The following NIN variants were observed in gnomAD, a reference collection of about 807,000 sequenced individuals.
NIN encodes glycogen synthase kinase 3 beta-interacting protein.
Under a neutral mutation model 257.6 loss-of-function variants are expected in NIN, and 137 were observed. The observed-to-expected ratio is 0.53, with a 90% CI of 0.46 to 0.61. NIN has a LOEUF of 0.61. NIN is among the 20% of genes least tolerant of loss of function. The pLI is 0.00. For missense variants in NIN, 2,439 were observed against 2,501.2 expected (o/e 0.98, Z 0.53); for synonymous variants, 918 against 919.8 (o/e 1.00, Z 0.04).
chr14:50,799,846 A>G (rs2044007049), intron 4 of NIN, among the ~76,000 whole-genome samples: 1 of 152,110 alleles, frequency 6.6e-6, no homozygotes, highest in Non-Finnish European at 1.5e-5. Flanking sequence ...GTGGTGGTGC[A>G]TGCCTGTAAT....
chr14:50,820,376 G>A (rs1359411394), intron 3 of NIN, among the ~76,000 whole-genome samples: 1 of 152,168 alleles, frequency 6.6e-6, no homozygotes, highest in Non-Finnish European at 1.5e-5. Context: ...TGTTTACGGC[G>A]TGGCATTCCA....
At position 50,778,815 on chromosome 14, in the gene NIN, CA is replaced by C. The variant is rs2043018078; in HGVS notation, c.436-12del. 1 of 1,613,812 alleles carries C rather than the reference CA, an allele frequency of 6.2e-7. No individual in the cohort carries two copies. On this transcript the variant is annotated splice_polypyrimidine_tract_variant and intron_variant, in intron 5 of 30. Coordinates refer to ENST00000530997, the MANE Select transcript of NIN (RefSeq NM_020921.4). ...TTGCGTCTTCCAGTGCTAGAGAAGG[CA>C]AGAGAAGATTAGTGTGCTTTAGAAC...
chr14:50,735,568 T>C lies in NIN; in HGVS notation c.5825A>G (p.Glu1942Gly). ...LEQELETIHL[E>G]NEGLKKKQVK... ...TTGTTTCTTTTTCAGGCCTTCATTT[T>C]CCAAATGAATTGTTTCTAATTCTTG... Residue 1942 changes from glutamate to glycine, a missense_variant, in exon 28 of 31, where the codon GAA (glutamate) becomes GGA (glycine). Around this residue, in one of 3 missense-constraint regions of NIN, gnomAD observed 2,043 missense variants for 2,050.2 expected, o/e 1.00. Coordinates refer to ENST00000530997, the MANE Select transcript of NIN (RefSeq NM_020921.4). 6.2e-7 allele frequency: 1 copy of C among 1,612,920 alleles called. No homozygotes were observed. Among genetic ancestry groups the C allele is most frequent in the Non-Finnish European group, 8.5e-7 (1 of 1,179,998 alleles).
chr14:50,732,971 G>C (rs779619415), intron 28 of NIN, among the ~76,000 whole-genome samples: 2 of 152,124 alleles, frequency 1.3e-5, no homozygotes, highest in African/African-American at 2.4e-5. Flanking sequence ...GGGAGGCTGA[G>C]GTGGGAGGAT....
chr14:50,807,867 G>A (rs1389583332), intron 3 of NIN, among the ~76,000 whole-genome samples: 1 of 152,146 alleles, frequency 6.6e-6, no homozygotes, highest in Non-Finnish European at 1.5e-5. Context: ...TCATAAAATT[G>A]TATCTCCTTG....
Position 50,792,743 on chromosome 14 carries a change from G to A in NIN, c.404C>T (p.Pro135Leu), listed in dbSNP as rs1217592610. 1.9e-6 allele frequency: 3 copies of A among 1,614,154 alleles called. No individual in the cohort carries two copies. The highest frequency in any genetic ancestry group is 2.5e-6 in the Non-Finnish European group (3 of 1,180,032). Residue 135 changes from proline (P) to leucine (L), a missense_variant, in exon 5 of 31, where the codon CCT becomes CTT. This residue lies in a region of NIN where 387 missense variants were observed against 427.3 expected (regional missense o/e 0.91). Coordinates refer to ENST00000530997, the MANE Select transcript of NIN (RefSeq NM_020921.4). ...GCAGTCACCGGCTGGGATGTGTGAA[G>A]GCCGCGCTTCTTCATCCAGTGGCTC... ...VIEPLDEEAR[P>L]SHIPAGDCSE...
intron 4 of NIN, among the ~76,000 whole-genome samples, chr14:50,802,268 T>C (rs1159778326): frequency 6.6e-6 from 1 of 152,222 alleles, no homozygotes; most frequent in Non-Finnish European, 1.5e-5. Flanking sequence ...AATTTCAATA[T>C]TTTTCACTGT....
intron 18 of NIN, among the ~76,000 whole-genome samples, chr14:50,755,146 T>A (rs2041964556): frequency 6.6e-6 from 1 of 152,220 alleles, no homozygotes; most frequent in Admixed American, 6.5e-5. Flanking sequence ...GGTTGTTGAT[T>A]TTTCTCAATG....
intron 30 of NIN, chr14:50,724,058 G>A: frequency 5.0e-6 from 1 of 199,702 alleles, no homozygotes; most frequent in Non-Finnish European, 1.0e-5. Context: ...TGTAACAACA[G>A]ATACTTGAAC....
intron 15 of NIN, among the ~76,000 whole-genome samples, chr14:50,762,469 T>C (rs141689416): frequency 3.3e-4 from 51 of 152,270 alleles, no homozygotes; most frequent in African/African-American, 1.2e-3. Context: ...CCCCATTTTA[T>C]CTTATCAGCT....
At chr14:50,740,633 C>T (rs974612718) in intron 25 of NIN, among the ~76,000 whole-genome samples, 1 of 152,128 alleles carries the variant, frequency 6.6e-6, no homozygotes, top group Non-Finnish European at 1.5e-5. Context: ...CAAGCGTGAG[C>T]CACCATGCCT....
intron 21 of NIN, among the ~76,000 whole-genome samples, chr14:50,749,542 A>G (rs1159096900): frequency 2.6e-5 from 4 of 152,180 alleles, no homozygotes; most frequent in Non-Finnish European, 5.9e-5. Flanking sequence ...AACATCTATC[A>G]GTGCATTTTG....
chr14:50,721,220 G>C lies in NIN; in HGVS notation c.*2243C>G, dbSNP rs988259221. 2 of 202,572 alleles carry C rather than the reference G, an allele frequency of 9.9e-6. No homozygotes were observed. Among genetic ancestry groups the C allele is most frequent in the Non-Finnish European group, 2.0e-5 (2 of 98,734 alleles). The allele number at this position is 202,572 out of a possible 1,614,324, so 12.5% of individuals were successfully genotyped here. On this transcript the variant is annotated 3_prime_UTR_variant, in exon 31 of 31. Transcript: ENST00000530997. The stretch of plus-strand genomic sequence containing the variant: ...TGAGAAATTAAGCACCTAGATGTTG[G>C]TTAAATTCATTTGAGCAGCATTTTG...
chr14:50,798,968 G>A (rs997349748), intron 4 of NIN, among the ~76,000 whole-genome samples: 6 of 152,126 alleles, frequency 3.9e-5, no homozygotes, highest in African/African-American at 1.4e-4. Context: ...TAGTAGAGAC[G>A]GGGTTTCACC....
rs1413282265 is a variant in NIN at position 50,729,687 on chromosome 14, A to C, written c.5914T>G (p.Ser1972Ala). ...AGCTGCAAATCCCAAGCATGAGGGG[A>C]CGGGCTAGGCGTCGCAGTGGACCTC... Reference protein sequence around the residue: ...HLRSTATPSPSPHAWDLQLLQ... With the variant: ...HLRSTATPSPAPHAWDLQLLQ... The change falls in exon 29 of 31, where the codon TCC (serine) becomes GCC (alanine). Residue 1972 changes from serine to alanine, a missense_variant. By Grantham distance (99) the Ser-to-Ala change is moderately conservative (BLOSUM62 1). Transcript: ENST00000530997. 6 of 1,612,848 alleles carry C rather than the reference A, an allele frequency of 3.7e-6. No homozygotes were observed. The South Asian group carries it at 5.5e-5, about 15-fold the overall frequency.
chr14:50,764,759 AT>A (rs917137254), intron 14 of NIN, among the ~76,000 whole-genome samples: 1 of 152,130 alleles, frequency 6.6e-6, no homozygotes, highest in African/African-American at 2.4e-5. Context: ...TGTATAGAAT[AT>A]GCAAATCTGT....
intron 7 of NIN, among the ~76,000 whole-genome samples, chr14:50,776,550 T>C (rs1390130040): frequency 6.6e-6 from 1 of 152,210 alleles, no homozygotes; most frequent in Non-Finnish European, 1.5e-5. Flanking sequence ...CTTAAATTTA[T>C]CCTTCTGGTC....
chr14:50,769,017 G>A (rs11624226), intron 12 of NIN, among the ~76,000 whole-genome samples: 151,114 of 152,350 alleles, frequency 0.99, 74,968 homozygotes, highest in Middle Eastern at 1. Flanking sequence ...GATGTTGATT[G>A]GGGAGAAATT....
intron 6 of NIN, 54 bp from the exon 7 acceptor site, chr14:50,777,193 G>C: frequency 7.3e-7 from 1 of 1,365,872 alleles, no homozygotes; most frequent in Non-Finnish European, 1.0e-6. Context: ...AAGAGAGAGT[G>C]CCTATTCTTA....
Sources: allele counts gnomAD v4.1 joint callset (sites outside exome capture counted in the v4.1 genomes callset), GRCh38; gene constraint gnomAD v4.1.1; regional missense constraint gnomAD v4.1.1; transcripts MANE v1.5; gene names NCBI Gene and HGNC (gene_info 2026-07-23, HGNC 2026-07-21).